DACH1: variants seen among roughly 807,000 people sequenced by gnomAD.
The protein encoded by DACH1 is dachshund homolog 1.
A neutral mutation model predicts 54.2 loss-of-function variants in DACH1; 12 were observed. That is an observed-to-expected ratio of 0.22 (90% CI 0.14 to 0.36). DACH1 has a LOEUF of 0.36. Among genes scored for constraint, DACH1 ranks in the 10% least tolerant of loss-of-function variants. The pLI is 1.00. For missense variants in DACH1, 805 were observed against 929.8 expected (o/e 0.87, Z 1.75); for synonymous variants, 386 against 366.2 (o/e 1.05, Z -0.62).
At chr13:71,846,540 G>A (rs1269265579) in intron 1 of DACH1, among the ~76,000 whole-genome samples, 1 of 152,158 alleles carries the variant, frequency 6.6e-6, no homozygotes, top group African/African-American at 2.4e-5. Context: ...TGAGGCCCGA[G>A]AATCACTTGA....
chr13:71,561,962 A>T (rs1022785860), intron 4 of DACH1, among the ~76,000 whole-genome samples: 13 of 143,188 alleles, frequency 9.1e-5, no homozygotes, highest in East Asian at 8.0e-4. Flanking sequence ...CCATGGAATT[A>T]AAAAAAAAAA....
intron 2 of DACH1, among the ~76,000 whole-genome samples, chr13:71,654,978 A>C (rs1878993935): frequency 6.6e-6 from 1 of 152,222 alleles, no homozygotes. Context: ...TCTAATCTAC[A>C]TGGCAGCATT....
chr13:71,821,575 C>T (rs557562346), intron 1 of DACH1, among the ~76,000 whole-genome samples: 76 of 152,042 alleles, frequency 5.0e-4, no homozygotes, highest in Non-Finnish European at 9.1e-4. Flanking sequence ...GTTAGGAATG[C>T]CTAATGCCTA....
At chr13:71,782,571 C>A (rs1006079920) in intron 1 of DACH1, among the ~76,000 whole-genome samples, 12 of 152,254 alleles carry the variant, frequency 7.9e-5, no homozygotes, top group African/African-American at 2.6e-4. Context: ...AAGTTTGTAT[C>A]AAATATTATC....
chr13:71,833,573 A>G (rs1171407989), intron 1 of DACH1, among the ~76,000 whole-genome samples: 1 of 151,906 alleles, frequency 6.6e-6, no homozygotes, highest in African/African-American at 2.4e-5. Flanking sequence ...ACTATTCCTG[A>G]ACTTGTATGA....
chr13:71,594,696 T>A (rs1873969304), intron 3 of DACH1, among the ~76,000 whole-genome samples: 1 of 152,110 alleles, frequency 6.6e-6, no homozygotes, highest in Admixed American at 6.6e-5. Flanking sequence ...CCTTAGGTCT[T>A]TCTGGAAACA....
At chr13:71,592,211 T>G (rs1351475016) in intron 3 of DACH1, among the ~76,000 whole-genome samples, 2 of 151,790 alleles carry the variant, frequency 1.3e-5, no homozygotes, top group Non-Finnish European at 1.5e-5. Context: ...CTTTGAAAAT[T>G]TTAAAAAGGA....
intron 6 of DACH1, among the ~76,000 whole-genome samples, chr13:71,505,484 C>A (rs1445224344): frequency 2.0e-5 from 3 of 152,080 alleles, no homozygotes; most frequent in Non-Finnish European, 4.4e-5. Flanking sequence ...CAAAGTAAAG[C>A]AGATTCTGTG....
chr13:71,648,948 C>T (rs1045416102), intron 2 of DACH1, among the ~76,000 whole-genome samples: 1 of 152,072 alleles, frequency 6.6e-6, no homozygotes, highest in African/African-American at 2.4e-5. Context: ...AACATAAATC[C>T]ACCCCTTCAA....
chr13:71,535,079 AT>A (rs1882672786), intron 6 of DACH1, among the ~76,000 whole-genome samples: 1 of 151,888 alleles, frequency 6.6e-6, no homozygotes, highest in Admixed American at 6.6e-5. Flanking sequence ...TCATAAAACT[AT>A]TTTAATAAAT....
intron 1 of DACH1, among the ~76,000 whole-genome samples, chr13:71,682,972 G>A (rs1456849323): frequency 6.6e-6 from 1 of 152,086 alleles, no homozygotes; most frequent in East Asian, 1.9e-4. Flanking sequence ...AACGTGCCTA[G>A]ATATTTCAAA....
At chr13:71,847,214 TTTTCA>T (rs1486875012) in intron 1 of DACH1, among the ~76,000 whole-genome samples, 2 of 152,204 alleles carry the variant, frequency 1.3e-5, no homozygotes, top group Admixed American at 6.5e-5. Flanking sequence ...GTTACATATA[TTTTCA>T]TTTGTTTGTT....
At chr13:71,756,884 T>C (rs1885187278) in intron 1 of DACH1, among the ~76,000 whole-genome samples, 1 of 152,154 alleles carries the variant, frequency 6.6e-6, no homozygotes. Flanking sequence ...CAAATTGGGA[T>C]ATATGCTTGC....
intron 3 of DACH1, among the ~76,000 whole-genome samples, chr13:71,585,228 ATAT>A (rs1336440150): frequency 2.0e-5 from 3 of 152,146 alleles, no homozygotes; most frequent in African/African-American, 4.8e-5. Context: ...AAATAAAGTA[ATAT>A]TATATGCCAA....
chr13:71,710,532 C>T (rs1206214259), intron 1 of DACH1, among the ~76,000 whole-genome samples: 2 of 149,050 alleles, frequency 1.3e-5, no homozygotes, highest in African/African-American at 5.0e-5. Flanking sequence ...GAGAGTGTTA[C>T]AAGAAAAACA....
At chr13:71,713,753 A>G (rs1882838949) in intron 1 of DACH1, among the ~76,000 whole-genome samples, 1 of 151,894 alleles carries the variant, frequency 6.6e-6, no homozygotes, top group Non-Finnish European at 1.5e-5. Context: ...ATCTCGTTCA[A>G]TAAAAGGTGT....
intron 1 of DACH1, among the ~76,000 whole-genome samples, chr13:71,783,022 T>C (rs1241759958): frequency 1.3e-5 from 2 of 152,146 alleles, no homozygotes; most frequent in African/African-American, 2.4e-5. Flanking sequence ...GAAGGATCAA[T>C]AATAAGAAAC....
At chr13:71,845,436 T>C (rs1245021395) in intron 1 of DACH1, among the ~76,000 whole-genome samples, 1 of 151,938 alleles carries the variant, frequency 6.6e-6, no homozygotes, top group Non-Finnish European at 1.5e-5. Context: ...TCTAAAGACA[T>C]CAAAAAATGG....
chr13:71,479,025 AGC>A, intron 8 of DACH1, 142 bp downstream of exon 8: 1 of 670,998 alleles, frequency 1.5e-6, no homozygotes, highest in Non-Finnish European at 2.3e-6. Flanking sequence ...AAATACAATG[AGC>A]CTAGGATTCA....
Sources: allele counts gnomAD v4.1 joint callset (sites outside exome capture counted in the v4.1 genomes callset), GRCh38; gene constraint gnomAD v4.1.1; transcripts MANE v1.5; gene names NCBI Gene and HGNC (gene_info 2026-07-23, HGNC 2026-07-21).